KIRREL3: variants seen among roughly 807,000 people sequenced by gnomAD.
The protein encoded by KIRREL3 is kin of IRRE-like protein 3.
In KIRREL3, 36 loss-of-function variants were observed where a neutral mutation model predicts 89.7. The ratio of observed to expected loss-of-function variants is 0.40; its 90% CI spans 0.31 to 0.53. KIRREL3 has a LOEUF of 0.53. Ranked by LOEUF, KIRREL3 falls within the 20% of genes least tolerant of loss-of-function variation. The pLI is 0.49. For missense variants in KIRREL3, 864 were observed against 1,056.6 expected, an observed-to-expected ratio of 0.82 and a Z score of 2.53; for synonymous variants, 445 against 441.4, an observed-to-expected ratio of 1.01 and a Z score of -0.10.
In KIRREL3 at chr11:126,981,874, G is replaced by T. The variant is rs77614345; in HGVS notation, c.55+18581C>A. On this transcript the variant is annotated intron_variant, in intron 1 of 16. Coordinates refer to ENST00000525144, the MANE Select transcript of KIRREL3 (RefSeq NM_032531.4). This position sits in a 1 kb window ranked among gnomAD's most constrained non-coding sequence, Gnocchi z 4.2. Reference sequence around the variant, plus strand: ...ACACACTCCCTTGCTTGGGGGCTCTGCTGGGATGACAGCCTTTAAACACCT... The same window carrying T: ...ACACACTCCCTTGCTTGGGGGCTCTTCTGGGATGACAGCCTTTAAACACCT... Among the ~76,000 whole-genome samples the T allele has an allele frequency of 0.017, 2,606 of 152,298 alleles. 66 individuals are homozygous for T. The highest frequency in any genetic ancestry group is 0.06 in the African/African-American group (2,491 of 41,542).
chr11:126,430,174 G>A lies in KIRREL3; in HGVS notation c.1697-886C>T, dbSNP rs1461432765. Among the ~76,000 whole-genome samples, 1 of 151,838 alleles carries A rather than the reference G, an allele frequency of 6.6e-6. No individual in the cohort carries two copies. The highest frequency in any genetic ancestry group is 1.5e-5 in the Non-Finnish European group (1 of 67,990). The stretch of plus-strand genomic sequence containing the variant: ...AGGAAATTCTTGAGGAGCTGGTGCG[G>A]TGGCTCACGCCTGTAATCCCAGCAC... On this transcript the variant is annotated intron_variant, in intron 14 of 16. Coordinates refer to ENST00000525144, the MANE Select transcript of KIRREL3 (RefSeq NM_032531.4). The surrounding 1 kb of genome is among the most constrained non-coding windows in gnomAD (Gnocchi z 6.6).
intron 1 of KIRREL3, among the ~76,000 whole-genome samples, chr11:126,774,366 G>T (rs1372490841): frequency 6.6e-6 from 1 of 152,132 alleles, no homozygotes; most frequent in Non-Finnish European, 1.5e-5. Flanking sequence ...CCTAGAGCTT[G>T]CACACTGGTT....
intron 7 of KIRREL3, among the ~76,000 whole-genome samples, chr11:126,450,489 GAGTGTGTGCA>G (rs1211848361): frequency 2.8e-5 from 4 of 141,172 alleles, no homozygotes; most frequent in Non-Finnish European, 4.7e-5. Flanking sequence ...GTGTGGGTGT[GAGTGTGTGCA>G]TGTGTGCATG....
chr11:126,646,780 A>G (rs1054145711), intron 1 of KIRREL3, among the ~76,000 whole-genome samples: 5 of 152,102 alleles, frequency 3.3e-5, no homozygotes, highest in African/African-American at 9.7e-5. Context: ...CGGCCACCCC[A>G]AGTATTTTTA....
In KIRREL3 at chr11:126,563,144, C is replaced by T. The variant is rs1940255923; in HGVS notation, c.56-232G>A. ...GATGTTTCCCCATTTTCTATCATCC[C>T]CATTTATAGATATATGAAGTTAGTG... On this transcript the variant is annotated intron_variant, in intron 1 of 16. Coordinates refer to ENST00000525144, the MANE Select transcript of KIRREL3 (RefSeq NM_032531.4). The surrounding 1 kb of genome is among the most constrained non-coding windows in gnomAD (Gnocchi z 6.8). Among the ~76,000 whole-genome samples the T allele has an allele frequency of 6.6e-6, 1 of 152,184 alleles. No homozygotes were observed. Among genetic ancestry groups the T allele is most frequent in the African/African-American group, 2.4e-5 (1 of 41,440 alleles).
chr11:126,853,759 A>T (rs529386016), intron 1 of KIRREL3, among the ~76,000 whole-genome samples: 1 of 152,134 alleles, frequency 6.6e-6, no homozygotes, highest in African/African-American at 2.4e-5. Flanking sequence ...ACAAAACAAA[A>T]CTTCCTTGAC....
rs569181149 is a variant in KIRREL3, at chr11:126,898,998, G to A, written c.55+101457C>T. On this transcript the variant is annotated intron_variant, in intron 1 of 16. Coordinates refer to ENST00000525144, the MANE Select transcript of KIRREL3 (RefSeq NM_032531.4). The surrounding 1 kb of genome is among the most constrained non-coding windows in gnomAD (Gnocchi z 4.9). Reference sequence around the variant, plus strand: ...TGCTGTAAGATGAGACTTAAAAGCCGCAGGGGAGTTTGGGGGGGGTCTCTC... The same window carrying A: ...TGCTGTAAGATGAGACTTAAAAGCCACAGGGGAGTTTGGGGGGGGTCTCTC... 2.8e-3 allele frequency among the ~76,000 whole-genome samples: 263 copies of A among 95,430 alleles called. 1 individual carries two copies. Among genetic ancestry groups the A allele is most frequent in the African/African-American group, 0.015 (241 of 15,654 alleles). The allele number at this position is 95,430 out of a possible 152,430, so 62.6% of individuals were successfully genotyped here. A position where few individuals can be genotyped will look rare whatever the true frequency, so the allele number is the denominator to read the frequency against.
chr11:126,463,194 G>A lies in KIRREL3; in HGVS notation c.705C>T (p.Pro235=), dbSNP rs749379208. Residue 235 remains proline, a synonymous_variant, in exon 6 of 17, where the codon CCC becomes CCT. Coordinates refer to ENST00000525144, the MANE Select transcript of KIRREL3 (RefSeq NM_032531.4). The surrounding 1 kb of genome is among the most constrained non-coding windows in gnomAD (Gnocchi z 5.9). ...IVCRATNKAI[P]GGKETSVTID... is the part of the protein sequence containing the mutation. Reference sequence around the variant, plus strand: ...TGGTGACCGACGTCTCCTTTCCTCCGGGGATGGCTTTGTTGGTGGCACGAC... The same window carrying A: ...TGGTGACCGACGTCTCCTTTCCTCCAGGGATGGCTTTGTTGGTGGCACGAC... 9.9e-6 allele frequency: 16 copies of A among 1,613,876 alleles called. No individual in the cohort carries two copies. The highest frequency in any genetic ancestry group is 3.3e-5 in the South Asian group (3 of 91,062).
rs1362279663 is a variant in KIRREL3, at chr11:126,614,151, A to C, written c.56-51239T>G. Among the ~76,000 whole-genome samples, 1 of 152,140 alleles carries C rather than the reference A, an allele frequency of 6.6e-6. No homozygotes were observed. The highest frequency in any genetic ancestry group is 1.5e-5 in the Non-Finnish European group (1 of 68,018). ...GGGGAGTAGGGAAGATTTATAAAAG[A>C]GAAGGGGGATTAACATGTGCGCTTT... On this transcript the variant is annotated intron_variant, in intron 1 of 16. Transcript: ENST00000525144. This position sits in a 1 kb window ranked among gnomAD's most constrained non-coding sequence, Gnocchi z 4.6.
chr11:126,740,821 A>G lies in KIRREL3; in HGVS notation c.56-177909T>C, dbSNP rs1403877965. ...GAGCAGAGAGGGTAATCCTTGTTAG[A>G]TTTACATTAAAATGAGGTCGTGCTT... is the stretch of plus-strand genomic sequence containing the variant. On this transcript the variant is annotated intron_variant, in intron 1 of 16. Transcript: ENST00000525144. This position sits in a 1 kb window ranked among gnomAD's most constrained non-coding sequence, Gnocchi z 6.0. Among the ~76,000 whole-genome samples, 1 of 152,112 alleles carries G rather than the reference A, an allele frequency of 6.6e-6. No individual in the cohort carries two copies. Among genetic ancestry groups the G allele is most frequent in the East Asian group, 1.9e-4 (1 of 5,192 alleles).
In KIRREL3 at chr11:126,544,046, C is replaced by G. The variant is rs1370980814; in HGVS notation, c.134-17359G>C. The G allele has an allele frequency of 6.6e-6, 1 of 152,358 alleles. No homozygotes were observed. Among genetic ancestry groups the G allele is most frequent in the African/African-American group, 2.4e-5 (1 of 41,472 alleles). The allele number at this position is 152,358 out of a possible 1,614,324, so 9.4% of individuals were successfully genotyped here. ...GGGCATGTGGCCCCACTCCTGTCTG[C>G]TCCCCAGGACAACTCTATTTTCCAG... On this transcript the variant is annotated intron_variant, in intron 2 of 16. Transcript: ENST00000525144. This position sits in a 1 kb window ranked among gnomAD's most constrained non-coding sequence, Gnocchi z 5.6.
Position 126,643,183 on chromosome 11 carries a change from T to C in KIRREL3, c.56-80271A>G, listed in dbSNP as rs1944537989. 6.6e-6 allele frequency among the ~76,000 whole-genome samples: 1 copy of C among 152,226 alleles called. No individual in the cohort carries two copies. On this transcript the variant is annotated intron_variant, in intron 1 of 16. Transcript: ENST00000525144. This position sits in a 1 kb window ranked among gnomAD's most constrained non-coding sequence, Gnocchi z 4.5. ...CATAGCTTCAATTTTCCTATTTCTA[T>C]AACAAGAATATTAATGGTATCTATT...
At position 126,639,912 on chromosome 11, in the gene KIRREL3, C is replaced by G. The variant is rs1007016369; in HGVS notation, c.56-77000G>C. 1.3e-5 allele frequency among the ~76,000 whole-genome samples: 2 copies of G among 152,192 alleles called. No homozygotes were observed. Among genetic ancestry groups the G allele is most frequent in the East Asian group, 3.8e-4 (2 of 5,204 alleles). On this transcript the variant is annotated intron_variant, in intron 1 of 16. Coordinates refer to ENST00000525144, the MANE Select transcript of KIRREL3 (RefSeq NM_032531.4). The surrounding 1 kb of genome is among the most constrained non-coding windows in gnomAD (Gnocchi z 4.3). ...TCTGGCTTGTAGAATAGAAAGGCCA[C>G]TTGCTTAATTGGGAACACTTTAATA... is the stretch of plus-strand genomic sequence containing the variant.
At chr11:126,493,814 G>A (rs1439711942) in intron 4 of KIRREL3, among the ~76,000 whole-genome samples, 1 of 152,092 alleles carries the variant, frequency 6.6e-6, no homozygotes, top group African/African-American at 2.4e-5. Context: ...GGCAGTCGCT[G>A]GCCCAGAGCT....
chr11:126,675,769 G>A (rs79672323), intron 1 of KIRREL3, among the ~76,000 whole-genome samples: 2,664 of 152,282 alleles, frequency 0.017, 98 homozygotes, highest in African/African-American at 0.06. Flanking sequence ...ACTTTATTCT[G>A]TAGGTAAAGG....
chr11:126,609,682 G>T lies in KIRREL3; in HGVS notation c.56-46770C>A, dbSNP rs944106998. Among the ~76,000 whole-genome samples, 1 of 152,114 alleles carries T rather than the reference G, an allele frequency of 6.6e-6. No homozygotes were observed. Among genetic ancestry groups the T allele is most frequent in the Non-Finnish European group, 1.5e-5 (1 of 68,020 alleles). On this transcript the variant is annotated intron_variant, in intron 1 of 16. Coordinates refer to ENST00000525144, the MANE Select transcript of KIRREL3 (RefSeq NM_032531.4). The surrounding 1 kb of genome is among the most constrained non-coding windows in gnomAD (Gnocchi z 5.0). ...GGTTCCGAACTTTGGCTGCATATTGGAATTATCTGAGATGTCTGAAAAACC... is the reference window on the plus strand; with the variant it reads ...GGTTCCGAACTTTGGCTGCATATTGTAATTATCTGAGATGTCTGAAAAACC...
chr11:126,455,712 C>T lies in KIRREL3; in HGVS notation c.848+637G>A, dbSNP rs571446580. Among the ~76,000 whole-genome samples, 205 of 152,150 alleles carry T rather than the reference C, an allele frequency of 1.3e-3. No homozygotes were observed. The highest frequency in any genetic ancestry group is 4.5e-3 in the African/African-American group (188 of 41,512). On this transcript the variant is annotated intron_variant, in intron 7 of 16. Transcript: ENST00000525144. This position sits in a 1 kb window ranked among gnomAD's most constrained non-coding sequence, Gnocchi z 6.4. ...TTGGGAGGCTGAGGCGGGAGAATGGCGTGAACCCAGGAGGCAGAGCTTGCC... is the reference window on the plus strand; with the variant it reads ...TTGGGAGGCTGAGGCGGGAGAATGGTGTGAACCCAGGAGGCAGAGCTTGCC...
chr11:126,981,056 T>G lies in KIRREL3; in HGVS notation c.55+19399A>C, dbSNP rs942024626. Among the ~76,000 whole-genome samples the G allele has an allele frequency of 1.3e-5, 2 of 152,226 alleles. No homozygotes were observed. The highest frequency in any genetic ancestry group is 4.8e-5 in the African/African-American group (2 of 41,454). ...TCTCTGTACCGTGGACTATCATTAT[T>G]CAATTTAAATTGCTACAAAGTACTA... On this transcript the variant is annotated intron_variant, in intron 1 of 16. Coordinates refer to ENST00000525144, the MANE Select transcript of KIRREL3 (RefSeq NM_032531.4). The surrounding 1 kb of genome is among the most constrained non-coding windows in gnomAD (Gnocchi z 4.2).
rs1375764015 is a variant in KIRREL3, at chr11:126,709,876, A to C, written c.56-146964T>G. 2.0e-5 allele frequency among the ~76,000 whole-genome samples: 3 copies of C among 152,222 alleles called. No individual in the cohort carries two copies. Among genetic ancestry groups the C allele is most frequent in the Admixed American group, 6.5e-5 (1 of 15,280 alleles). ...TCCAAGGGAGCTGGAGAGGCTGAGCACTGGGGCACGAGGGTAGGTAATGAT... is the reference window on the plus strand; with the variant it reads ...TCCAAGGGAGCTGGAGAGGCTGAGCCCTGGGGCACGAGGGTAGGTAATGAT... On this transcript the variant is annotated intron_variant, in intron 1 of 16. Transcript: ENST00000525144. This position sits in a 1 kb window ranked among gnomAD's most constrained non-coding sequence, Gnocchi z 4.0.
Sources: gnomAD v4.1 joint callset for allele counts (sites outside exome capture counted in the v4.1 genomes callset) on GRCh38, gnomAD v4.1.1 for gene constraint, Gnocchi (gnomAD v3.1) non-coding constraint, MANE v1.5 for transcripts, NCBI Gene and HGNC (gene_info 2026-07-23, HGNC 2026-07-21) for gene names.